The following LRRK1 variants were observed in gnomAD, a reference collection of about 807,000 sequenced individuals.
The protein encoded by LRRK1 is leucine rich repeat kinase 1, also known as leucine-rich repeat serine/threonine-protein kinase 1.
LRRK1 carries 113 observed loss-of-function variants against 209.1 expected under a neutral mutation model. The ratio of observed to expected loss-of-function variants is 0.54; its 90% CI spans 0.46 to 0.63. The LOEUF (loss-of-function observed/expected upper bound fraction) is 0.63, where lower values mean the gene tolerates loss of function less well. Among genes scored for constraint, LRRK1 ranks in the 30% least tolerant of loss-of-function variants. LRRK1 has a pLI of 0.00. For missense variants in LRRK1, 2,284 were observed against 2,632.2 expected, an observed-to-expected ratio of 0.87 and a Z score of 2.89; for synonymous variants, 1,144 against 1,099.7, an observed-to-expected ratio of 1.04 and a Z score of -0.80.
Position 101,022,437 on chromosome 15 carries a change from G to A in LRRK1, c.1907G>A (p.Cys636Tyr), listed in dbSNP as rs762074642. The change falls in exon 15 of 34, where the codon TGC (cysteine) becomes TAC (tyrosine). Residue 636 changes from cysteine (C) to tyrosine (Y), a missense_variant. Cys to Tyr is a radical substitution (Grantham distance 194). Transcript: ENST00000388948. The surrounding 1 kb of genome is among the most constrained non-coding windows in gnomAD (Gnocchi z 4.0). ...GCTCAGCTGCGGAAAGCGGAAAAGT[G>A]CAAGCTGATGAAGATGATCATCGTG... ...LRAQLRKAEKCKLMKMIIVGP... is the reference protein window; with the variant it reads ...LRAQLRKAEKYKLMKMIIVGP... The A allele has an allele frequency of 4.3e-5, 70 of 1,614,124 alleles. No homozygotes were observed. The highest frequency in any genetic ancestry group is 5.7e-5 in the Non-Finnish European group (67 of 1,180,054).
chr15:101,014,322 A>C lies in LRRK1; in HGVS notation c.1426A>C (p.Met476Leu). 6.2e-7 allele frequency: 1 copy of C among 1,610,428 alleles called. No homozygotes were observed. Among genetic ancestry groups the C allele is most frequent in the African/African-American group, 1.3e-5 (1 of 74,762 alleles). ...CCCTCCCTCTCTCTCTCAGGCCCTC[A>C]TGTTCTTGAGGTTACAGGGGAACCA... is the stretch of plus-strand genomic sequence containing the variant. ...PLGLFQLDALMFLRLQGNQLA... is the reference protein window; with the variant it reads ...PLGLFQLDALLFLRLQGNQLA... The change falls in exon 11 of 34, where the codon ATG (methionine) becomes CTG (leucine). Residue 476 changes from methionine (M) to leucine (L), a missense_variant. By Grantham distance (15) the Met-to-Leu change is conservative (BLOSUM62 2). Coordinates refer to ENST00000388948, the MANE Select transcript of LRRK1 (RefSeq NM_024652.6).
At chr15:100,980,798 A>G (rs974688805) in intron 3 of LRRK1, among the ~76,000 whole-genome samples, 17 of 152,226 alleles carry the variant, frequency 1.1e-4, no homozygotes, top group African/African-American at 4.1e-4. Context: ...GTGGCTACAC[A>G]CCATAGGGCA....
intron 17 of LRRK1, among the ~76,000 whole-genome samples, chr15:101,026,484 A>AC (rs1029159723): frequency 6.6e-6 from 1 of 152,154 alleles, no homozygotes; most frequent in Non-Finnish European, 1.5e-5. Context: ...TCAAGGACAG[A>AC]CCCTGGGGAG....
At chr15:101,060,365 T>C (rs560456579) in intron 29 of LRRK1, among the ~76,000 whole-genome samples, 2 of 152,288 alleles carry the variant, frequency 1.3e-5, no homozygotes, top group African/African-American at 4.8e-5. Context: ...TATTCAAATA[T>C]CTTAGTTTTG....
chr15:101,046,156 T>C lies in LRRK1; in HGVS notation c.3135+4T>C. 1 of 1,614,004 alleles carries C rather than the reference T, an allele frequency of 6.2e-7. No homozygotes were observed. Among genetic ancestry groups the C allele is most frequent in the South Asian group, 1.1e-5 (1 of 91,060 alleles). On this transcript the variant is annotated splice_donor_region_variant and intron_variant, in intron 21 of 33. Transcript: ENST00000388948. ...CCTGGCGGAGATGGACCTGCAGGTA[T>C]TATGGCTGCGGTTTCTGCATAGACA... is the stretch of plus-strand genomic sequence containing the variant.
intron 2 of LRRK1, among the ~76,000 whole-genome samples, chr15:100,947,939 A>G (rs1334404223): frequency 6.6e-6 from 1 of 152,222 alleles, no homozygotes; most frequent in Admixed American, 6.5e-5. Context: ...TGATGTATTC[A>G]AAGGAAACTC....
At position 101,075,099 on chromosome 15, in the gene LRRK1, C is replaced by A. The variant is rs2036936458; in HGVS notation, c.*6251C>A. 1 of 71,770 alleles carries A rather than the reference C, an allele frequency of 1.4e-5. No homozygotes were observed. The highest frequency in any genetic ancestry group is 2.7e-4 in the East Asian group (1 of 3,702). 4.4% of individuals were successfully genotyped at this position (71,770 alleles called of 1,614,324 possible). On this transcript the variant is annotated 3_prime_UTR_variant, in exon 34 of 34. Coordinates refer to ENST00000388948, the MANE Select transcript of LRRK1 (RefSeq NM_024652.6). ...CTCTCACAGTGGAAGGTAAACCCGT[C>A]CCCTTCTTAATCAATACGGAGGCTA...
rs758003738 is a variant in LRRK1, at chr15:101,065,480, C to T, written c.5043C>T (p.Ile1681=). 2.5e-6 allele frequency: 4 copies of T among 1,614,218 alleles called. No homozygotes were observed. Among genetic ancestry groups the T allele is most frequent in the Non-Finnish European group, 3.4e-6 (4 of 1,180,046 alleles). The part of the protein sequence containing the change: ...SHTANRSKFS[I]ADEDARQNPY... The stretch of plus-strand genomic sequence containing the variant: ...CAGCCAACAGGTCCAAGTTCAGCAT[C>T]GCGGATGAAGACGCACGGCAGAACC... The change falls in exon 32 of 34, where the codon ATC becomes ATT. Residue 1681 remains isoleucine, a synonymous_variant. Coordinates refer to ENST00000388948, the MANE Select transcript of LRRK1 (RefSeq NM_024652.6).
At chr15:100,969,670 C>A (rs1409468529) in intron 2 of LRRK1, among the ~76,000 whole-genome samples, 2 of 152,092 alleles carry the variant, frequency 1.3e-5, no homozygotes, top group Non-Finnish European at 2.9e-5. Flanking sequence ...CCACAGGTGC[C>A]CAGTGTGTGT....
At chr15:100,921,212 A>G (rs760823322) in intron 1 of LRRK1, among the ~76,000 whole-genome samples, 2 of 152,158 alleles carry the variant, frequency 1.3e-5, no homozygotes, top group Non-Finnish European at 2.9e-5. Context: ...TACCCCGTGC[A>G]TGGTGGTAGA....
rs1165942872 is a variant in LRRK1 at position 101,077,288 on chromosome 15, T to C, written c.*8440T>C. 1 of 152,242 alleles carries C rather than the reference T, an allele frequency of 6.6e-6. No individual in the cohort carries two copies. Among genetic ancestry groups the C allele is most frequent in the South Asian group, 2.1e-4 (1 of 4,838 alleles). 9.4% of individuals were successfully genotyped at this position (152,242 alleles called of 1,614,324 possible). On this transcript the variant is annotated 3_prime_UTR_variant, in exon 34 of 34. Coordinates refer to ENST00000388948, the MANE Select transcript of LRRK1 (RefSeq NM_024652.6). The stretch of plus-strand genomic sequence containing the variant: ...CAAAAAACTTGTCATCCCTACTATC[T>C]TCTGTCTAGTCGTACTCCTATTCAC...
At position 101,009,046 on chromosome 15, in the gene LRRK1, C is replaced by T. The variant is rs184008590; in HGVS notation, c.972C>T (p.Asp324=). 2.2e-5 allele frequency: 36 copies of T among 1,613,880 alleles called. No individual in the cohort carries two copies. Among genetic ancestry groups the T allele is most frequent in the Admixed American group, 8.3e-5 (5 of 60,006 alleles). Residue 324 remains aspartate (D), a synonymous_variant, in exon 7 of 34, where the codon GAC becomes GAT. Transcript: ENST00000388948. ...AGCTGCCTGGCGTGCAGTCATCGGA[C>T]GAAATCATCTGTTCCAGGTGGCTCC... is the stretch of plus-strand genomic sequence containing the variant. ...LGELPGVQSS[D]EIICSRLLEI...
In LRRK1 at chr15:100,998,078, G is replaced by A. The variant is rs555072126; in HGVS notation, c.762+8680G>A. Reference sequence around the variant, plus strand: ...ATGCCTATAATCCCAGCTACTGTGGGGCTGAGACAGGAGAATCGCTTGAAA... The same window carrying A: ...ATGCCTATAATCCCAGCTACTGTGGAGCTGAGACAGGAGAATCGCTTGAAA... On this transcript the variant is annotated intron_variant, in intron 6 of 33. Transcript: ENST00000388948. Among the ~76,000 whole-genome samples, 6 of 152,070 alleles carry A rather than the reference G, an allele frequency of 3.9e-5. No homozygotes were observed. In the South Asian group the frequency reaches 8.3e-4, roughly 21 times the overall value.
chr15:100,940,910 A>G (rs976967797), intron 2 of LRRK1, among the ~76,000 whole-genome samples: 1 of 152,236 alleles, frequency 6.6e-6, no homozygotes, highest in Non-Finnish European at 1.5e-5. Flanking sequence ...AGGATGCAGC[A>G]AGATGTGCAG....
At position 101,027,524 on chromosome 15, in the gene LRRK1, T is replaced by C. The variant is rs2034089788; in HGVS notation, c.2527-114T>C. On this transcript the variant is annotated intron_variant, in intron 18 of 33. Coordinates refer to ENST00000388948, the MANE Select transcript of LRRK1 (RefSeq NM_024652.6). This position sits in a 1 kb window ranked among gnomAD's most constrained non-coding sequence, Gnocchi z 5.1. ...GGTGAGGGAGGGTCAGGATGGAAGA[T>C]AGTGGGTGGAAACGTCCCACCCCCT... 6.7e-7 allele frequency: 1 copy of C among 1,496,158 alleles called. No individual in the cohort carries two copies. The allele number at this position is 1,496,158 out of a possible 1,614,324, so 92.7% of individuals were successfully genotyped here. A position where few individuals can be genotyped will look rare whatever the true frequency, so the allele number is the denominator to read the frequency against.
rs1319866402 is a variant in LRRK1 at position 101,021,173 on chromosome 15, A to T, written c.1730A>T (p.Tyr577Phe). ...VCLLKSLSELYLGNNPGLREL... is the reference protein window; with the variant it reads ...VCLLKSLSELFLGNNPGLREL... The stretch of plus-strand genomic sequence containing the variant: ...CTACTGAAGAGCTTATCAGAGCTCT[A>T]CTTGGGAAAGTAAGTACACATCTGG... The change falls in exon 13 of 34, where the codon TAC becomes TTC. Residue 577 changes from tyrosine (Y) to phenylalanine (F), a missense_variant. By Grantham distance (22) the Tyr-to-Phe change is conservative. Coordinates refer to ENST00000388948, the MANE Select transcript of LRRK1 (RefSeq NM_024652.6). 1.9e-6 allele frequency: 3 copies of T among 1,613,910 alleles called. No homozygotes were observed. Among genetic ancestry groups the T allele is most frequent in the African/African-American group, 1.3e-5 (1 of 74,902 alleles).
intron 10 of LRRK1, among the ~76,000 whole-genome samples, chr15:101,013,064 C>T (rs1340865992): frequency 6.6e-6 from 1 of 152,066 alleles, no homozygotes; most frequent in Admixed American, 6.5e-5. Context: ...AGCAGCAAAT[C>T]AGGAGAGGCA....
At position 101,019,866 on chromosome 15, in the gene LRRK1, A is replaced by G. The variant is rs562140753; in HGVS notation, c.1610-1187A>G. On this transcript the variant is annotated intron_variant, in intron 12 of 33. Transcript: ENST00000388948. ...GCTGAAATCCAAACCTCTGATTCCCATCAGTGTGCGTTTCCAAGCTCTTTC... is the reference window on the plus strand; with the variant it reads ...GCTGAAATCCAAACCTCTGATTCCCGTCAGTGTGCGTTTCCAAGCTCTTTC... Among the ~76,000 whole-genome samples the G allele has an allele frequency of 3.3e-5, 5 of 152,320 alleles. No homozygotes were observed. In the East Asian group the frequency reaches 7.7e-4, roughly 23 times the overall value.
At chr15:101,049,573 G>C (rs1324585562) in intron 22 of LRRK1, 71 bp from the exon 23 acceptor site, 5 of 1,562,604 alleles carry the variant, frequency 3.2e-6, no homozygotes, top group Non-Finnish European at 4.3e-6. Flanking sequence ...CTGTCCCTGG[G>C]GGTAGGGATA....
Sources: allele counts gnomAD v4.1 joint callset (sites outside exome capture counted in the v4.1 genomes callset), GRCh38; gene constraint gnomAD v4.1.1; non-coding constraint Gnocchi (gnomAD v3.1); transcripts MANE v1.5; gene names NCBI Gene and HGNC (gene_info 2026-07-23, HGNC 2026-07-21).